The following DCC variants were observed in gnomAD, a reference collection of about 807,000 sequenced individuals.
The protein encoded by DCC is netrin receptor DCC.
Under a neutral mutation model 172.5 loss-of-function variants are expected in DCC, and 58 were observed. That is an observed-to-expected ratio of 0.34 (90% CI 0.27 to 0.42). DCC has a LOEUF of 0.42. DCC is among the 10% of genes least tolerant of loss of function. DCC has a pLI of 1.00. For synonymous variants in DCC, 709 were observed against 644.5 expected (o/e 1.10, Z -1.52); for missense variants, 1,740 against 1,791.0 (o/e 0.97, Z 0.51).
At chr18:53,225,998 G>T (rs1161788317) in intron 12 of DCC, among the ~76,000 whole-genome samples, 3 of 152,260 alleles carry the variant, frequency 2.0e-5, no homozygotes, top group African/African-American at 7.2e-5. Flanking sequence ...ATGGATAACA[G>T]AAAAATAGTA....
chr18:52,545,910 A>T (rs2032599264), intron 1 of DCC, among the ~76,000 whole-genome samples: 1 of 152,208 alleles, frequency 6.6e-6, no homozygotes, highest in Admixed American at 6.5e-5. Flanking sequence ...CTTGTTACAC[A>T]ACTTTTCCAA....
At chr18:53,102,947 C>G (rs551498589) in intron 7 of DCC, among the ~76,000 whole-genome samples, 1 of 152,036 alleles carries the variant, frequency 6.6e-6, no homozygotes, top group African/African-American at 2.4e-5. Context: ...ATCCTTGCCA[C>G]TTAAGGAGAA....
intron 2 of DCC, among the ~76,000 whole-genome samples, chr18:52,868,453 A>C (rs1297433660): frequency 1.3e-5 from 2 of 152,158 alleles, no homozygotes; most frequent in East Asian, 3.9e-4. Context: ...AAATTTGTGG[A>C]GTGCTGCCAC....
intron 1 of DCC, among the ~76,000 whole-genome samples, chr18:52,571,375 T>A (rs961237327): frequency 6.6e-6 from 1 of 151,848 alleles, no homozygotes; most frequent in African/African-American, 2.4e-5. Context: ...CATGGGTCAG[T>A]GTTTCTATTG....
intron 2 of DCC, among the ~76,000 whole-genome samples, chr18:52,811,139 C>A (rs1001845068): frequency 6.6e-6 from 1 of 152,122 alleles, no homozygotes; most frequent in Non-Finnish European, 1.5e-5. Flanking sequence ...CAAAAAACAA[C>A]AAAATGACCC....
At chr18:52,456,447 A>G (rs958918597) in intron 1 of DCC, among the ~76,000 whole-genome samples, 2 of 152,176 alleles carry the variant, frequency 1.3e-5, no homozygotes, top group East Asian at 1.9e-4. Context: ...CATTTAAGAT[A>G]TAGTAAAGGT....
chr18:52,555,663 C>A (rs1404947965), intron 1 of DCC, among the ~76,000 whole-genome samples: 1 of 151,982 alleles, frequency 6.6e-6, no homozygotes. Flanking sequence ...CTCAGGTTTG[C>A]TTTTTAGTAC....
At chr18:53,521,978 T>C (rs754720189) in intron 27 of DCC, among the ~76,000 whole-genome samples, 8 of 152,052 alleles carry the variant, frequency 5.3e-5, no homozygotes, top group Non-Finnish European at 8.8e-5. Context: ...CTATTATAAA[T>C]TCAGGTTTAA....
chr18:53,355,753 AC>A (rs1208819874), intron 15 of DCC, among the ~76,000 whole-genome samples: 1 of 151,940 alleles, frequency 6.6e-6, no homozygotes, highest in Non-Finnish European at 1.5e-5. Flanking sequence ...CTAATTGAAT[AC>A]CCTTTATTTC....
intron 7 of DCC, among the ~76,000 whole-genome samples, chr18:53,115,208 A>G (rs553351613): frequency 5.7e-4 from 86 of 151,782 alleles, no homozygotes; most frequent in Non-Finnish European, 9.3e-4. Flanking sequence ...TTGTATGCCA[A>G]TGATGGTTTT....
intron 12 of DCC, among the ~76,000 whole-genome samples, chr18:53,279,784 G>A (rs60240833): frequency 0.046 from 7,065 of 151,984 alleles, 569 homozygotes; most frequent in African/African-American, 0.16. Flanking sequence ...ATTCTTGGCC[G>A]CAACATGGAT....
chr18:52,533,050 G>A (rs537653030), intron 1 of DCC, among the ~76,000 whole-genome samples: 1 of 151,904 alleles, frequency 6.6e-6, no homozygotes, highest in East Asian at 1.9e-4. Flanking sequence ...TAAAATATGT[G>A]GCCTTTAAAA....
At chr18:52,645,146 G>A (rs566188175) in intron 1 of DCC, among the ~76,000 whole-genome samples, 116 of 152,182 alleles carry the variant, frequency 7.6e-4, no homozygotes, top group African/African-American at 2.6e-3. Flanking sequence ...GTATGTAGAT[G>A]AGATCTGCCT....
chr18:53,527,071 CAT>C (rs2046464987), intron 28 of DCC: 4 of 375,652 alleles, frequency 1.1e-5, no homozygotes, highest in Non-Finnish European at 1.5e-5. Context: ...TACATATACA[CAT>C]GATATACACA....
chr18:53,514,010 A>ATT (rs532042667), intron 27 of DCC, among the ~76,000 whole-genome samples: 1 of 151,720 alleles, frequency 6.6e-6, no homozygotes, highest in African/African-American at 2.4e-5. Context: ...CAGAATATAC[A>ATT]TTTTTTTCAG....
chr18:53,457,486 G>C (rs1335316154), intron 23 of DCC, among the ~76,000 whole-genome samples: 12 of 152,192 alleles, frequency 7.9e-5, no homozygotes, highest in Admixed American at 7.9e-4. Flanking sequence ...GTACTTCTCT[G>C]TGTGCAGCCA....
At chr18:53,425,833 T>G (rs1910898878) in intron 21 of DCC, among the ~76,000 whole-genome samples, 1 of 152,174 alleles carries the variant, frequency 6.6e-6, no homozygotes, top group South Asian at 2.1e-4. Flanking sequence ...GATGCATAAT[T>G]AATATTGCCA....
intron 1 of DCC, among the ~76,000 whole-genome samples, chr18:52,379,780 G>C (rs1985508216): frequency 6.6e-6 from 1 of 152,124 alleles, no homozygotes; most frequent in African/African-American, 2.4e-5. Context: ...CTGGTACTTT[G>C]CCTTGAAGTT....
intron 2 of DCC, among the ~76,000 whole-genome samples, chr18:52,802,643 C>CTTTTTTTTTTT (rs776080029): frequency 2.6e-5 from 1 of 38,202 alleles, no homozygotes; most frequent in Non-Finnish European, 5.1e-5. Context: ...CACGCCAAGC[C>CTTTTTTTTTTT]TTTTTTTTTT....
Sources: allele counts gnomAD v4.1 joint callset (sites outside exome capture counted in the v4.1 genomes callset), GRCh38; gene constraint gnomAD v4.1.1; transcripts MANE v1.5; gene names NCBI Gene and HGNC (gene_info 2026-07-23, HGNC 2026-07-21).